HECTD4: variants seen among roughly 807,000 people sequenced by gnomAD.
The protein encoded by HECTD4 is probable E3 ubiquitin-protein ligase HECTD4.
HECTD4 carries 114 observed loss-of-function variants against 471.5 expected under a neutral mutation model. The observed-to-expected ratio is 0.24, with a 90% CI of 0.21 to 0.28. The LOEUF (loss-of-function observed/expected upper bound fraction) is 0.28. Among genes scored for constraint, HECTD4 ranks in the 10% least tolerant of loss-of-function variants. HECTD4 has a pLI of 1.00. For synonymous variants in HECTD4, 2,012 were observed against 2,256.0 expected, an observed-to-expected ratio of 0.89 and a Z score of 3.07; for missense variants, 3,866 against 5,651.5, an observed-to-expected ratio of 0.68 and a Z score of 10.13.
At chr12:112,175,362 G>T (rs896503573) in intron 66 of HECTD4, among the ~76,000 whole-genome samples, 1 of 152,314 alleles carries the variant, frequency 6.6e-6, no homozygotes, top group South Asian at 2.1e-4. Context: ...ACCTTGAGAA[G>T]GTGGCAGTCT....
intron 13 of HECTD4, among the ~76,000 whole-genome samples, chr12:112,267,733 G>A (rs906725177): frequency 1.3e-5 from 2 of 152,140 alleles, no homozygotes; most frequent in African/African-American, 4.8e-5. Flanking sequence ...CAGCTTTTCC[G>A]AAGAGAAGGG....
chr12:112,199,574 T>C (rs1434287580), intron 55 of HECTD4, among the ~76,000 whole-genome samples: 1 of 152,226 alleles, frequency 6.6e-6, no homozygotes, highest in African/African-American at 2.4e-5. Flanking sequence ...TTTATTATTA[T>C]ATTTTCCTCT....
intron 49 of HECTD4, among the ~76,000 whole-genome samples, chr12:112,211,474 T>C (rs1456190565): frequency 6.6e-6 from 1 of 150,822 alleles, no homozygotes; most frequent in African/African-American, 2.4e-5. Context: ...CTTGAAAAGA[T>C]CACTGTGGTT....
chr12:112,224,628 T>C (rs1178965575), intron 44 of HECTD4, among the ~76,000 whole-genome samples: 1 of 152,332 alleles, frequency 6.6e-6, no homozygotes, highest in East Asian at 1.9e-4. Context: ...CATAAGCTCA[T>C]AGTCTTCTCT....
chr12:112,172,409 G>C (rs889933717), intron 67 of HECTD4, among the ~76,000 whole-genome samples: 1 of 152,226 alleles, frequency 6.6e-6, no homozygotes, highest in Admixed American at 6.5e-5. Context: ...CCCCGCAGCC[G>C]TGCATTTCTG....
chr12:112,169,484 C>G lies in HECTD4; in HGVS notation c.12208+19G>C. On this transcript the variant is annotated intron_variant, in intron 70 of 75. Transcript: ENST00000682272. ...AAACACAGCTCCTCCAGCGTGGAGC[C>G]TGGCGGGCCACCACTTACTGGTGCC... The G allele has an allele frequency of 6.3e-7, 1 of 1,598,122 alleles. No individual in the cohort carries two copies. Among genetic ancestry groups the G allele is most frequent in the Non-Finnish European group, 8.5e-7 (1 of 1,171,762 alleles).
chr12:112,267,980 C>T (rs565545623), intron 13 of HECTD4, among the ~76,000 whole-genome samples: 7 of 152,214 alleles, frequency 4.6e-5, no homozygotes, highest in African/African-American at 1.4e-4. Flanking sequence ...GCCAGGGCAT[C>T]GGGCTAATTT....
intron 64 of HECTD4, among the ~76,000 whole-genome samples, chr12:112,177,541 G>A (rs972610234): frequency 6.6e-6 from 1 of 152,014 alleles, no homozygotes; most frequent in Non-Finnish European, 1.5e-5. Flanking sequence ...CACCACGCCC[G>A]GCTAATTTTT....
chr12:112,375,473 G>A (rs2036759076), intron 1 of HECTD4, among the ~76,000 whole-genome samples: 1 of 152,150 alleles, frequency 6.6e-6, no homozygotes, highest in South Asian at 2.1e-4. Flanking sequence ...AACTTCAACT[G>A]TGGAGTAAGA....
At chr12:112,174,910 T>C (rs1050822773) in intron 66 of HECTD4, among the ~76,000 whole-genome samples, 3 of 151,964 alleles carry the variant, frequency 2.0e-5, no homozygotes, top group African/African-American at 7.2e-5. Flanking sequence ...AGTAGGGGCG[T>C]GTGTGTGTGT....
In HECTD4 at chr12:112,190,768, C is replaced by T. The variant is rs980550956; in HGVS notation, c.9472+18G>A. On this transcript the variant is annotated intron_variant, in intron 60 of 75. Coordinates refer to ENST00000682272, the MANE Select transcript of HECTD4 (RefSeq NM_001388303.1). ...CACCCCCACCCTAGATTCCGATCCC[C>T]AGGGAAGGCAGCCTCACCTAGCAGC... is the stretch of plus-strand genomic sequence containing the variant. 2.6e-6 allele frequency: 4 copies of T among 1,557,430 alleles called. No individual in the cohort carries two copies. In the African/African-American group the frequency reaches 4.1e-5, roughly 16 times the overall value.
intron 1 of HECTD4, among the ~76,000 whole-genome samples, chr12:112,320,997 C>T (rs538439045): frequency 6.6e-5 from 10 of 152,230 alleles, no homozygotes; most frequent in South Asian, 2.1e-4. Context: ...GGGTGTGCCA[C>T]CATGCCCGGC....
chr12:112,363,829 A>T (rs2036502309), intron 1 of HECTD4, among the ~76,000 whole-genome samples: 1 of 151,292 alleles, frequency 6.6e-6, no homozygotes, highest in South Asian at 2.1e-4. Flanking sequence ...AAAAAAATTA[A>T]CCAGGCAGTG....
At chr12:112,271,702 G>A (rs1407472403) in intron 11 of HECTD4, among the ~76,000 whole-genome samples, 2 of 152,136 alleles carry the variant, frequency 1.3e-5, no homozygotes, top group African/African-American at 4.8e-5. Flanking sequence ...CAGCAGCTCA[G>A]ATCTGCTGTT....
intron 1 of HECTD4, among the ~76,000 whole-genome samples, chr12:112,365,719 A>G (rs2036542300): frequency 6.6e-6 from 1 of 151,502 alleles, no homozygotes; most frequent in Non-Finnish European, 1.5e-5. Context: ...TTTAAAAACA[A>G]TGTTTCTCTT....
In HECTD4 at chr12:112,324,096, TTCTTTCCTCTC is replaced by T. The variant is rs1271327407; in HGVS notation, c.178-4365_178-4355del. On this transcript the variant is annotated intron_variant, in intron 1 of 75. Coordinates refer to ENST00000682272, the MANE Select transcript of HECTD4 (RefSeq NM_001388303.1). ...TTTCTTTCTTTCTTTCTTTCTTTCT[TTCTTTCCTCTC>T]TCTCTTTCTTTCTTTTTTTTATTTT... Among the ~76,000 whole-genome samples the T allele has an allele frequency of 5.0e-3, 525 of 105,544 alleles. 106 individuals carry two copies. The highest frequency in any genetic ancestry group is 0.019 in the African/African-American group (399 of 20,594). The allele number at this position is 105,544 out of a possible 152,430, so 69.2% of individuals were successfully genotyped here. A position where few individuals can be genotyped will look rare whatever the true frequency, so the allele number is the denominator to read the frequency against.
chr12:112,177,659 C>T (rs551800064), intron 64 of HECTD4, among the ~76,000 whole-genome samples: 3 of 152,276 alleles, frequency 2.0e-5, no homozygotes, highest in Admixed American at 6.5e-5. Context: ...GGATTATAGG[C>T]GTGAGCCACC....
chr12:112,259,062 G>A (rs745752010), intron 19 of HECTD4, 50 bp downstream of exon 19: 3 of 1,521,582 alleles, frequency 2.0e-6, no homozygotes, highest in Non-Finnish European at 2.7e-6. Flanking sequence ...GCCATCCTGT[G>A]AAGCAGGTTG....
chr12:112,282,450 T>C (rs183712718), intron 8 of HECTD4, among the ~76,000 whole-genome samples: 1 of 152,204 alleles, frequency 6.6e-6, no homozygotes, highest in African/African-American at 2.4e-5. Context: ...GTATATAGTA[T>C]ACTACCTTCT....
Sources: gnomAD v4.1 joint callset for allele counts (sites outside exome capture counted in the v4.1 genomes callset) on GRCh38, gnomAD v4.1.1 for gene constraint, MANE v1.5 for transcripts, NCBI Gene and HGNC (gene_info 2026-07-23, HGNC 2026-07-21) for gene names.